The following ANAPC1 variants were observed in gnomAD, a reference collection of about 807,000 sequenced individuals.
ANAPC1 encodes the protein anaphase promoting complex subunit 1.
Under a neutral mutation model 208.0 loss-of-function variants are expected in ANAPC1, and 36 were observed. The observed-to-expected ratio is 0.17, with a 90% CI of 0.13 to 0.23. ANAPC1 has a LOEUF of 0.23. ANAPC1 is among the 10% of genes least tolerant of loss of function. The pLI is 1.00. For missense variants in ANAPC1, 942 were observed against 2,011.6 expected, an observed-to-expected ratio of 0.47 and a Z score of 10.17; for synonymous variants, 378 against 695.2, an observed-to-expected ratio of 0.54 and a Z score of 7.18.
At chr2:111,810,844 C>G (rs1308257506) in intron 28 of ANAPC1, among the ~76,000 whole-genome samples, 1 of 132,070 alleles carries the variant, frequency 7.6e-6, no homozygotes, top group Non-Finnish European at 1.6e-5. Context: ...GATCACACCA[C>G]TGCACTCCAG....
In ANAPC1 at chr2:111,863,364, A is replaced by C. The variant is rs534250086; in HGVS notation, c.1052+311T>G. ...TCTACTAAAAATACAAAAAAAAAAA[A>C]AACTCAGCCAGGCATGGTGGCAGGC... On this transcript the variant is annotated intron_variant, in intron 9 of 47. Transcript: ENST00000341068. Among the ~76,000 whole-genome samples, 12 of 151,918 alleles carry C rather than the reference A, an allele frequency of 7.9e-5. No homozygotes were observed. In the East Asian group the frequency reaches 1.7e-3, roughly 22 times the overall value.
At chr2:111,855,963 C>T (rs1011604324) in intron 13 of ANAPC1, among the ~76,000 whole-genome samples, 44 of 152,288 alleles carry the variant, frequency 2.9e-4, no homozygotes, top group East Asian at 1.9e-4. Flanking sequence ...CGGCTGGGCG[C>T]GGTGGCTCAC....
chr2:111,794,309 T>C lies in ANAPC1; in HGVS notation c.4388A>G (p.Tyr1463Cys), dbSNP rs1256102928. 11 of 1,610,252 alleles carry C rather than the reference T, an allele frequency of 6.8e-6. No individual in the cohort carries two copies. Among genetic ancestry groups the C allele is most frequent in the South Asian group, 3.4e-5 (3 of 89,524 alleles). The change falls in exon 36 of 48, where the codon TAC becomes TGC. Residue 1463 changes from tyrosine to cysteine, a missense_variant. Tyr to Cys is a radical substitution (Grantham distance 194). Transcript: ENST00000341068. ...NLETLSQAHVYIIAGACLSLG... is the reference protein window; with the variant it reads ...NLETLSQAHVCIIAGACLSLG... The stretch of plus-strand genomic sequence containing the variant: ...AGACAAGCAGGCTCCTGCAATTATG[T>C]AGACATGTGCTTGGCTGAAAACAGG...
chr2:111,870,368 T>C (rs1412053414), intron 6 of ANAPC1, among the ~76,000 whole-genome samples: 2 of 152,216 alleles, frequency 1.3e-5, no homozygotes, highest in African/African-American at 2.4e-5. Context: ...ACCACATCCA[T>C]GCCAACATCT....
chr2:111,857,420 G>A (rs1681795049), intron 11 of ANAPC1, among the ~76,000 whole-genome samples: 2 of 152,186 alleles, frequency 1.3e-5, no homozygotes, highest in African/African-American at 4.8e-5. Flanking sequence ...TACCTAAGAA[G>A]ATAAATGAAT....
chr2:111,797,837 A>C (rs2104547907), intron 34 of ANAPC1, among the ~76,000 whole-genome samples: 1 of 113,240 alleles, frequency 8.8e-6, no homozygotes. Flanking sequence ...AGGTGGGCTT[A>C]ATTCACCAAC....
intron 10 of ANAPC1, among the ~76,000 whole-genome samples, chr2:111,859,640 A>G (rs1681944025): frequency 6.6e-6 from 1 of 152,222 alleles, no homozygotes; most frequent in Non-Finnish European, 1.5e-5. Flanking sequence ...CTACTTCAAC[A>G]TTGTATCCAC....
chr2:111,768,148 A>AT lies in ANAPC1; in HGVS notation c.*1142dup, dbSNP rs1303891038. On this transcript the variant is annotated 3_prime_UTR_variant, in exon 48 of 48. Transcript: ENST00000341068. The stretch of plus-strand genomic sequence containing the variant: ...TGGCCATCCAGGAAGCACAGGACAC[A>AT]TATCAGCATCTGAACAGCAGGGAGC... 1.3e-5 allele frequency: 2 copies of AT among 152,246 alleles called. No homozygotes were observed. The highest frequency in any genetic ancestry group is 4.8e-5 in the African/African-American group (2 of 41,458). The allele number at this position is 152,246 out of a possible 1,614,324, so 9.4% of individuals were successfully genotyped here. A position where few individuals can be genotyped will look rare whatever the true frequency, so the allele number is the denominator to read the frequency against.
chr2:111,846,798 G>A (rs867330562), intron 16 of ANAPC1, among the ~76,000 whole-genome samples: 2 of 151,700 alleles, frequency 1.3e-5, no homozygotes, highest in South Asian at 2.1e-4. Context: ...TCAAACTACC[G>A]ACCTCAAGCG....
chr2:111,832,936 T>TGAAAAAAAAAAA (rs1680231505), intron 20 of ANAPC1, among the ~76,000 whole-genome samples: 2 of 15,970 alleles, frequency 1.3e-4, no homozygotes, highest in Non-Finnish European at 1.4e-4. Context: ...AGACTCAGTC[T>TGAAAAAAAAAAA]CAAAAAAAAA....
chr2:111,794,698 T>G, intron 35 of ANAPC1, 120 bp downstream of exon 35: 2 of 1,372,886 alleles, frequency 1.5e-6, no homozygotes, highest in Non-Finnish European at 2.0e-6. Context: ...AAATAATGGT[T>G]AGAAATATGT....
At chr2:111,801,907 A>T (rs1678463518) in intron 33 of ANAPC1, among the ~76,000 whole-genome samples, 2 of 152,204 alleles carry the variant, frequency 1.3e-5, no homozygotes, top group South Asian at 4.1e-4. Context: ...AAACATCAGA[A>T]AAAAAAGAAT....
intron 25 of ANAPC1, among the ~76,000 whole-genome samples, chr2:111,821,947 T>A (rs1321253050): frequency 6.6e-6 from 1 of 152,030 alleles, no homozygotes; most frequent in African/African-American, 2.4e-5. Flanking sequence ...GGGGCTGCAG[T>A]TTTATGTGAT....
chr2:111,816,559 C>T (rs1433172796), intron 27 of ANAPC1, among the ~76,000 whole-genome samples: 9 of 147,862 alleles, frequency 6.1e-5, no homozygotes, highest in South Asian at 2.2e-4. Flanking sequence ...ATGTTCCCTA[C>T]GAATTTTTTC....
At chr2:111,825,642 C>T (rs1679791958) in intron 22 of ANAPC1, 135 bp downstream of exon 22, 1 of 781,294 alleles carries the variant, frequency 1.3e-6, no homozygotes, top group Non-Finnish European at 2.0e-6. Context: ...GACAAAAGAC[C>T]GCAACAGACC....
intron 3 of ANAPC1, among the ~76,000 whole-genome samples, chr2:111,873,972 G>T (rs1682897314): frequency 6.6e-6 from 1 of 151,914 alleles, no homozygotes; most frequent in Admixed American, 6.6e-5. Context: ...CTACCAGATA[G>T]AAACTTTGCA....
intron 24 of ANAPC1, among the ~76,000 whole-genome samples, chr2:111,823,570 T>C (rs1266889141): frequency 6.6e-6 from 1 of 152,156 alleles, no homozygotes; most frequent in African/African-American, 2.4e-5. Context: ...AATTAAATTA[T>C]GATATGTTCA....
chr2:111,833,528 C>G (rs1680296476), intron 19 of ANAPC1, among the ~76,000 whole-genome samples: 1 of 151,900 alleles, frequency 6.6e-6, no homozygotes, highest in Non-Finnish European at 1.5e-5. Flanking sequence ...AGTAAAACTA[C>G]AGTAAAAGCA....
At chr2:111,864,597 T>C (rs1269196668) in intron 8 of ANAPC1, among the ~76,000 whole-genome samples, 1 of 150,574 alleles carries the variant, frequency 6.6e-6, no homozygotes, top group Admixed American at 6.7e-5. Context: ...CCCGAGTAGA[T>C]AGGATTACAG....
Sources: allele counts gnomAD v4.1 joint callset (sites outside exome capture counted in the v4.1 genomes callset), GRCh38; gene constraint gnomAD v4.1.1; transcripts MANE v1.5; gene names NCBI Gene and HGNC (gene_info 2026-07-23, HGNC 2026-07-21).